Variants in NALF1 observed in about 807,000 individuals in gnomAD.
The protein encoded by NALF1 is NALCN channel auxiliary factor 1, also known as family with sequence similarity 155 member A.
Under a neutral mutation model 48.4 loss-of-function variants are expected in NALF1, and 3 were observed. The observed-to-expected ratio is 0.06, with a 90% CI of 0.03 to 0.16. The LOEUF (loss-of-function observed/expected upper bound fraction) is 0.16, where lower values mean the gene tolerates loss of function less well. Ranked by LOEUF, NALF1 falls within the 10% of genes least tolerant of loss-of-function variation. NALF1 has a pLI of 1.00. For missense variants in NALF1, 526 were observed against 571.5 expected (o/e 0.92, Z 0.81); for synonymous variants, 262 against 245.7 (o/e 1.07, Z -0.62).
chr13:107,428,766 T>C (rs1884324910), intron 1 of NALF1, among the ~76,000 whole-genome samples: 1 of 152,216 alleles, frequency 6.6e-6, no homozygotes, highest in African/African-American at 2.4e-5. Flanking sequence ...CATTGCTAAT[T>C]GTCTATGGTG....
intron 1 of NALF1, among the ~76,000 whole-genome samples, chr13:107,288,879 A>C (rs1391977634): frequency 1.3e-5 from 2 of 152,192 alleles, no homozygotes; most frequent in Non-Finnish European, 2.9e-5. Flanking sequence ...TGATGCAGCT[A>C]ACACTCTCTC....
At chr13:107,835,649 G>T (rs577609625) in intron 1 of NALF1, among the ~76,000 whole-genome samples, 15 of 152,220 alleles carry the variant, frequency 9.9e-5, no homozygotes, top group African/African-American at 2.9e-4. Context: ...GTGACTCAGG[G>T]CTTAGTTAGT....
intron 1 of NALF1, among the ~76,000 whole-genome samples, chr13:107,453,038 C>T (rs923051094): frequency 4.6e-5 from 7 of 152,330 alleles, no homozygotes; most frequent in African/African-American, 1.7e-4. Flanking sequence ...AGCTCCACTC[C>T]TTTGGCTTTG....
intron 1 of NALF1, among the ~76,000 whole-genome samples, chr13:107,691,351 C>T (rs138511549): frequency 1.1e-3 from 165 of 152,296 alleles, no homozygotes; most frequent in African/African-American, 3.8e-3. Flanking sequence ...ATTCAAGCTA[C>T]TCAGTTTGTG....
intron 1 of NALF1, among the ~76,000 whole-genome samples, chr13:107,854,242 G>C (rs1384051447): frequency 2.0e-5 from 3 of 152,188 alleles, no homozygotes; most frequent in Admixed American, 2.0e-4. Flanking sequence ...GGGACCCATA[G>C]AATATATCTG....
At chr13:107,388,655 C>A (rs1883570286) in intron 1 of NALF1, among the ~76,000 whole-genome samples, 1 of 152,140 alleles carries the variant, frequency 6.6e-6, no homozygotes, top group Non-Finnish European at 1.5e-5. Flanking sequence ...AATGAATGTT[C>A]TTTAAGCAAG....
intron 1 of NALF1, among the ~76,000 whole-genome samples, chr13:107,588,318 A>G (rs545897706): frequency 6.6e-5 from 10 of 152,138 alleles, no homozygotes; most frequent in African/African-American, 1.4e-4. Flanking sequence ...CATGTGATGT[A>G]GAATTGAACA....
chr13:107,735,458 C>G (rs1324099305), intron 1 of NALF1, among the ~76,000 whole-genome samples: 1 of 152,184 alleles, frequency 6.6e-6, no homozygotes, highest in African/African-American at 2.4e-5. Context: ...CTGACTAGCT[C>G]TCTTTATCCA....
intron 1 of NALF1, among the ~76,000 whole-genome samples, chr13:107,440,971 C>G (rs1884548872): frequency 6.6e-6 from 1 of 152,164 alleles, no homozygotes. Context: ...AATATGTCAT[C>G]TAACCACAGG....
At chr13:107,505,987 G>T (rs915007193) in intron 1 of NALF1, among the ~76,000 whole-genome samples, 3 of 152,082 alleles carry the variant, frequency 2.0e-5, no homozygotes, top group Non-Finnish European at 4.4e-5. Flanking sequence ...AATACTGATA[G>T]AACTTGTGAT....
chr13:107,209,878 C>T (rs1879724325), intron 2 of NALF1, among the ~76,000 whole-genome samples: 1 of 152,176 alleles, frequency 6.6e-6, no homozygotes, highest in Non-Finnish European at 1.5e-5. Flanking sequence ...GTATCTTGTT[C>T]TCACCATTTA....
intron 1 of NALF1, among the ~76,000 whole-genome samples, chr13:107,390,079 T>C (rs1883597569): frequency 6.6e-6 from 1 of 152,090 alleles, no homozygotes; most frequent in Admixed American, 6.6e-5. Context: ...TATTCACTAG[T>C]AGATTATTGG....
At chr13:107,783,889 AAG>A (rs1489638881) in intron 1 of NALF1, among the ~76,000 whole-genome samples, 17 of 151,674 alleles carry the variant, frequency 1.1e-4, no homozygotes, top group African/African-American at 3.9e-4. Flanking sequence ...AAAAAAAAAA[AAG>A]AAAATCTTAT....
At chr13:107,278,447 GT>G (rs1304456653) in intron 1 of NALF1, among the ~76,000 whole-genome samples, 1 of 152,208 alleles carries the variant, frequency 6.6e-6, no homozygotes, top group Non-Finnish European at 1.5e-5. Flanking sequence ...ATTATATGGG[GT>G]TTTGTTTTTC....
chr13:107,667,604 GA>G (rs566506193), intron 1 of NALF1, among the ~76,000 whole-genome samples: 65 of 152,190 alleles, frequency 4.3e-4, no homozygotes, highest in Non-Finnish European at 8.2e-4. Flanking sequence ...TAGTATGAAG[GA>G]AAGTGCAGTG....
chr13:107,499,021 A>G (rs1041241095), intron 1 of NALF1, among the ~76,000 whole-genome samples: 2 of 152,186 alleles, frequency 1.3e-5, no homozygotes, highest in Non-Finnish European at 2.9e-5. Flanking sequence ...CATATCTAAC[A>G]CACACACATA....
chr13:107,393,466 C>G (rs777757807), intron 1 of NALF1, among the ~76,000 whole-genome samples: 33 of 152,080 alleles, frequency 2.2e-4, no homozygotes, highest in Non-Finnish European at 4.4e-4. Flanking sequence ...CTCTGAGACA[C>G]GAACAAATTA....
chr13:107,249,553 TC>T lies in NALF1; in HGVS notation c.916-38799del, dbSNP rs1236966012. ...TTGGGTATCTTTGTATAAAATGAAC[TC>T]AGGTAATCAAGAGCCACCCTGAAGG... On this transcript the variant is annotated intron_variant, in intron 1 of 2. Coordinates refer to ENST00000375915, the MANE Select transcript of NALF1 (RefSeq NM_001080396.3). Among the ~76,000 whole-genome samples, 5 of 147,064 alleles carry T rather than the reference TC, an allele frequency of 3.4e-5. No homozygotes were observed. The East Asian group carries it at 9.9e-4, about 29-fold the overall frequency.
chr13:107,434,323 T>C (rs1001991572), intron 1 of NALF1, among the ~76,000 whole-genome samples: 2 of 152,168 alleles, frequency 1.3e-5, no homozygotes, highest in African/African-American at 4.8e-5. Context: ...ACATAAGAAG[T>C]TAATGCTCAC....
Sources: allele counts gnomAD v4.1 joint callset (sites outside exome capture counted in the v4.1 genomes callset), GRCh38; gene constraint gnomAD v4.1.1; transcripts MANE v1.5; gene names NCBI Gene and HGNC (gene_info 2026-07-23, HGNC 2026-07-21).